The following RUNX1T1 variants were observed in gnomAD, a reference collection of about 807,000 sequenced individuals.
RUNX1T1 encodes the protein RUNX1 partner transcriptional co-repressor 1, also known as protein CBFA2T1.
A neutral mutation model predicts 62.8 loss-of-function variants in RUNX1T1; 4 were observed. That is an observed-to-expected ratio of 0.06 (90% CI 0.03 to 0.15). The LOEUF (loss-of-function observed/expected upper bound fraction) is 0.15. Ranked by LOEUF, RUNX1T1 falls within the 10% of genes least tolerant of loss-of-function variation. The probability of loss-of-function intolerance (pLI) is 1.00; values close to 1 mark genes in which losing one functional copy is unlikely to be tolerated. For synonymous variants in RUNX1T1, 291 were observed against 286.0 expected, an observed-to-expected ratio of 1.02 and a Z score of -0.18; for missense variants, 508 against 754.3, an observed-to-expected ratio of 0.67 and a Z score of 3.82.
At chr8:92,050,578 A>C (rs1458898389) in intron 1 of RUNX1T1, among the ~76,000 whole-genome samples, 1 of 152,216 alleles carries the variant, frequency 6.6e-6, no homozygotes, top group Non-Finnish European at 1.5e-5. Context: ...ATAACTGGTT[A>C]AATAACTGCT....
At chr8:92,060,801 TG>T (rs1357996374) in intron 1 of RUNX1T1, among the ~76,000 whole-genome samples, 6 of 152,100 alleles carry the variant, frequency 3.9e-5, no homozygotes, top group Admixed American at 3.9e-4. Flanking sequence ...AAACTACAGA[TG>T]GGTGTCAAAA....
In RUNX1T1 at chr8:92,017,131, T is replaced by G. The variant is rs1327794100; in HGVS notation, c.145+95A>C. 4 of 930,630 alleles carry G rather than the reference T, an allele frequency of 4.3e-6. No homozygotes were observed. The Admixed American group carries it at 6.4e-5, about 15-fold the overall frequency. 57.6% of individuals were successfully genotyped at this position (930,630 alleles called of 1,614,324 possible). A position where few individuals can be genotyped will look rare whatever the true frequency, so the allele number is the denominator to read the frequency against. ...GGTTCATTTCTGCATAATACATTGA[T>G]GCTGAATTTTATTTTCCCTTGATTT... On this transcript the variant is annotated intron_variant, in intron 2 of 10. Coordinates refer to ENST00000396218, the Ensembl canonical transcript of RUNX1T1.
At chr8:92,041,786 T>C (rs996726508) in intron 1 of RUNX1T1, among the ~76,000 whole-genome samples, 62 of 151,872 alleles carry the variant, frequency 4.1e-4, no homozygotes, top group African/African-American at 1.5e-3. Flanking sequence ...GCTTATTTAT[T>C]TTATTTTTTT....
intron 1 of RUNX1T1, among the ~76,000 whole-genome samples, chr8:92,057,974 A>G (rs28707439): frequency 0.22 from 33,128 of 152,062 alleles, 3,742 homozygotes; most frequent in Middle Eastern, 0.27. Context: ...AGTTACATGA[A>G]CTGAGATCCA....
chr8:92,041,532 G>A (rs1173362076), intron 1 of RUNX1T1, among the ~76,000 whole-genome samples: 1 of 152,176 alleles, frequency 6.6e-6, no homozygotes, highest in Non-Finnish European at 1.5e-5. Flanking sequence ...CTTGAGGCCA[G>A]GAGTTCAAGA....
intron 6 of RUNX1T1, 21 bp downstream of exon 7, chr8:91,991,618 G>A: frequency 6.2e-7 from 1 of 1,606,008 alleles, no homozygotes; most frequent in East Asian, 2.2e-5. Flanking sequence ...CGTAAGAAGT[G>A]AACAGGTCCT....
upstream of RUNX1T1, among the ~76,000 whole-genome samples, chr8:92,064,193 CT>C (rs1832521240): frequency 6.6e-6 from 1 of 152,178 alleles, no homozygotes; most frequent in African/African-American, 2.4e-5. Context: ...AATATATTCT[CT>C]TGATAAACAG....
intron 1 of RUNX1T1, among the ~76,000 whole-genome samples, chr8:92,046,276 G>A (rs1284913326): frequency 6.6e-6 from 1 of 152,182 alleles, no homozygotes; most frequent in Non-Finnish European, 1.5e-5. Flanking sequence ...TGCTTACTAA[G>A]AGAAATGTGG....
At chr8:92,089,476 G>A (rs1033664858) in intron 1 of RUNX1T1, among the ~76,000 whole-genome samples, 1 of 152,076 alleles carries the variant, frequency 6.6e-6, no homozygotes, top group Non-Finnish European at 1.5e-5. Flanking sequence ...GGCTTAAAGA[G>A]GTCATTTTCT....
rs78984777 is a variant in RUNX1T1, at chr8:92,030,958, C to G, written c.8-13595G>C. The stretch of plus-strand genomic sequence containing the variant: ...CCAAGAGGTCTCACTGCTTTCTTAA[C>G]AACTCTAGCTGGATATCCCATTGAT... On this transcript the variant is annotated intron_variant, in intron 1 of 10. Coordinates refer to ENST00000396218, the Ensembl canonical transcript of RUNX1T1. Among the ~76,000 whole-genome samples, 348 of 152,330 alleles carry G rather than the reference C, an allele frequency of 2.3e-3. 3 individuals carry two copies. Among genetic ancestry groups the G allele is most frequent in the East Asian group, 0.018 (94 of 5,178 alleles).
chr8:92,072,769 A>G (rs1833877021), intron 2 of RUNX1T1, among the ~76,000 whole-genome samples: 1 of 152,244 alleles, frequency 6.6e-6, no homozygotes, highest in Admixed American at 6.5e-5. Flanking sequence ...AAACATGACC[A>G]AGAAAAACTA....
At chr8:92,041,260 C>T (rs541665244) in intron 1 of RUNX1T1, among the ~76,000 whole-genome samples, 3 of 152,282 alleles carry the variant, frequency 2.0e-5, no homozygotes, top group African/African-American at 4.8e-5. Flanking sequence ...GCCCATGCTC[C>T]GGGTTTAACT....
intron 10 of RUNX1T1, among the ~76,000 whole-genome samples, chr8:91,965,545 G>GTTA (rs914194233): frequency 3.9e-5 from 6 of 152,094 alleles, no homozygotes; most frequent in African/African-American, 1.2e-4. Context: ...GTTTCTCCTT[G>GTTA]TTATCTTCTT....
chr8:91,993,143 T>C (rs892592907), intron 5 of RUNX1T1, among the ~76,000 whole-genome samples: 2 of 152,202 alleles, frequency 1.3e-5, no homozygotes, highest in African/African-American at 2.4e-5. Context: ...TTCTTTATTT[T>C]AGATAGTAAA....
downstream of RUNX1T1, chr8:91,956,578 G>C: frequency 4.6e-6 from 1 of 219,502 alleles, no homozygotes; most frequent in Non-Finnish European, 9.1e-6. Flanking sequence ...CAGGTTGACA[G>C]ACCATACATT....
chr8:91,959,473 TGC>T (rs1410243988), exon 11 of RUNX1T1: 7,685 of 52,668 alleles, frequency 0.15, 361 homozygotes, highest in East Asian at 0.29. Flanking sequence ...TGTGTATATG[TGC>T]GTGTGTGTGT....
chr8:91,959,706 G>A, exon 11 of RUNX1T1: 1 of 228,550 alleles, frequency 4.4e-6, no homozygotes, highest in East Asian at 6.2e-5. Context: ...GGTCTTCAAA[G>A]TTCAGTTAGC....
At chr8:92,031,616 A>G (rs982209548) in intron 1 of RUNX1T1, among the ~76,000 whole-genome samples, 4 of 152,108 alleles carry the variant, frequency 2.6e-5, no homozygotes, top group Admixed American at 1.3e-4. Context: ...CTACAGGTGC[A>G]TATCACCATA....
chr8:91,989,708 T>G (rs1275150000), intron 6 of RUNX1T1, among the ~76,000 whole-genome samples: 1 of 152,184 alleles, frequency 6.6e-6, no homozygotes, highest in East Asian at 1.9e-4. Flanking sequence ...CCACTGCTAT[T>G]TAAAAACATG....
Sources: gnomAD v4.1 joint callset for allele counts (sites outside exome capture counted in the v4.1 genomes callset) on GRCh38, gnomAD v4.1.1 for gene constraint, MANE v1.5 for transcripts, NCBI Gene and HGNC (gene_info 2026-07-23, HGNC 2026-07-21) for gene names.